RBBP8: variants seen among roughly 807,000 people sequenced by gnomAD.
RBBP8 encodes RB binding protein 8, endonuclease, also known as DNA endonuclease RBBP8.
RBBP8 carries 88 observed loss-of-function variants against 108.3 expected under a neutral mutation model. The observed-to-expected ratio is 0.81, with a 90% CI of 0.68 to 0.97. RBBP8 has a LOEUF of 0.97. Ranked by LOEUF, RBBP8 falls within the 50% of genes least tolerant of loss-of-function variation. The probability of loss-of-function intolerance (pLI) is 0.00; values close to 1 mark genes in which losing one functional copy is unlikely to be tolerated. For synonymous variants in RBBP8, 332 were observed against 348.2 expected (o/e 0.95, Z 0.52); for missense variants, 1,023 against 1,049.0 (o/e 0.98, Z 0.34).
At chr18:22,980,989 T>TTTTTTTTTC in intron 6 of RBBP8, among the ~76,000 whole-genome samples, 1 of 128,430 alleles carries the variant, frequency 7.8e-6, no homozygotes, top group Non-Finnish European at 1.6e-5. Flanking sequence ...TTTTTTTTTT[T>TTTTTTTTTC]TGAGACGGAG....
rs1911279396 is a variant in RBBP8, at chr18:22,943,524, CA to C, written c.110-2915del. Among the ~76,000 whole-genome samples, 3 of 152,066 alleles carry C rather than the reference CA, an allele frequency of 2.0e-5. No individual in the cohort carries two copies. The South Asian group carries it at 6.2e-4, about 32-fold the overall frequency. ...TCACATCTGTAAATAATAAAATCCA[CA>C]AAAATTAATTTACCCATTTTGAGAT... On this transcript the variant is annotated intron_variant, in intron 2 of 18. Transcript: ENST00000327155.
Position 22,946,446 on chromosome 18 carries a change from T to C in RBBP8, c.112T>C (p.Leu38=). The change falls in exon 3 of 19, where the codon TTA becomes CTA. Residue 38 remains leucine, a splice_region_variant and synonymous_variant. Coordinates refer to ENST00000327155, the MANE Select transcript of RBBP8 (RefSeq NM_002894.3). Reference sequence around the variant, plus strand: ...TACCTTTTCTTTTTACTTTTCAGGTTTACAAGTAAAAGTAACCAAGCTAAA... The same window carrying C: ...TACCTTTTCTTTTTACTTTTCAGGTCTACAAGTAAAAGTAACCAAGCTAAA... ...KECHDREVQG[L]QVKVTKLKQE... 6.2e-7 allele frequency: 1 copy of C among 1,612,800 alleles called. No individual in the cohort carries two copies. The highest frequency in any genetic ancestry group is 1.1e-5 in the South Asian group (1 of 91,048).
chr18:22,922,896 C>G (rs1909651778), intron 3 of RBBP8, among the ~76,000 whole-genome samples: 2 of 152,032 alleles, frequency 1.3e-5, no homozygotes, highest in South Asian at 4.1e-4. Flanking sequence ...ATAACAACAA[C>G]CATATAATAA....
intron 1 of RBBP8, among the ~76,000 whole-genome samples, chr18:22,935,407 G>A (rs1400260580): frequency 4.1e-5 from 6 of 146,942 alleles, no homozygotes; most frequent in Non-Finnish European, 8.9e-5. Context: ...AAACAAAACC[G>A]CATCATTATC....
chr18:22,942,299 G>T (rs1911156769), intron 2 of RBBP8, among the ~76,000 whole-genome samples: 1 of 152,126 alleles, frequency 6.6e-6, no homozygotes, highest in Non-Finnish European at 1.5e-5. Context: ...ATAGGAACTT[G>T]CTTGAATCTG....
intron 3 of RBBP8, among the ~76,000 whole-genome samples, chr18:22,922,971 A>G (rs1909656162): frequency 6.6e-6 from 1 of 152,210 alleles, no homozygotes; most frequent in Non-Finnish European, 1.5e-5. Context: ...GCATTTAACA[A>G]TATAGTGTAA....
chr18:23,010,989 G>A (rs1200315713), intron 16 of RBBP8, among the ~76,000 whole-genome samples: 1 of 152,290 alleles, frequency 6.6e-6, no homozygotes, highest in East Asian at 1.9e-4. Context: ...ATAATCTTAG[G>A]AGTCCATAAA....
chr18:22,929,465 GGTGTGTGT>G (rs1165994615), upstream of RBBP8: 3 of 110,712 alleles, frequency 2.7e-5, no homozygotes, highest in African/African-American at 8.5e-5. Context: ...TGTTTGGGCA[GGTGTGTGT>G]GTGTGTGTGT....
intron 6 of RBBP8, among the ~76,000 whole-genome samples, chr18:22,980,049 C>T (rs922866384): frequency 1.3e-5 from 2 of 152,066 alleles, no homozygotes; most frequent in African/African-American, 4.8e-5. Context: ...AGTTTGGGAC[C>T]AGCCTGGCCA....
intron 7 of RBBP8, among the ~76,000 whole-genome samples, chr18:22,984,291 A>G (rs182691445): frequency 3.7e-4 from 56 of 152,260 alleles, no homozygotes; most frequent in Admixed American, 8.5e-4. Context: ...CTGATAAAGC[A>G]TGCTTCAGAG....
At chr18:22,979,755 G>T (rs954779111) in intron 6 of RBBP8, among the ~76,000 whole-genome samples, 4 of 150,974 alleles carry the variant, frequency 2.6e-5, no homozygotes, top group African/African-American at 9.8e-5. Context: ...ATCCTGAATT[G>T]AGTTGGGCAA....
intron 2 of RBBP8, among the ~76,000 whole-genome samples, chr18:22,945,274 A>G (rs185083662): frequency 1.4e-3 from 209 of 152,328 alleles, no homozygotes; most frequent in Non-Finnish European, 1.5e-3. Context: ...AATGGGGAGC[A>G]TAGAGAAAAT....
chr18:23,026,337 G>C lies in RBBP8; in HGVS notation c.*97G>C, dbSNP rs777642288. The C allele has an allele frequency of 2.4e-5, 25 of 1,036,832 alleles. No individual in the cohort carries two copies. The highest frequency in any genetic ancestry group is 1.7e-4 in the Admixed American group (8 of 48,106). 64.2% of individuals were successfully genotyped at this position (1,036,832 alleles called of 1,614,324 possible). A position where few individuals can be genotyped will look rare whatever the true frequency, so the allele number is the denominator to read the frequency against. On this transcript the variant is annotated 3_prime_UTR_variant, in exon 19 of 19. Coordinates refer to ENST00000327155, the MANE Select transcript of RBBP8 (RefSeq NM_002894.3). ...TAAACATTGATTTTTTTGATCTTCT[G>C]TAAATGGATTTATAAATCAGTTTTC...
In RBBP8 at chr18:23,026,355, C is replaced by A; in HGVS notation, c.*115C>A. 1 of 937,480 alleles carries A rather than the reference C, an allele frequency of 1.1e-6. No homozygotes were observed. Among genetic ancestry groups the A allele is most frequent in the Non-Finnish European group, 1.7e-6 (1 of 601,374 alleles). The allele number at this position is 937,480 out of a possible 1,614,324, so 58.1% of individuals were successfully genotyped here. ...ATCTTCTGTAAATGGATTTATAAATCAGTTTTCTATTGAAAATGTTTGTGA... is the reference window on the plus strand; with the variant it reads ...ATCTTCTGTAAATGGATTTATAAATAAGTTTTCTATTGAAAATGTTTGTGA... On this transcript the variant is annotated 3_prime_UTR_variant, in exon 19 of 19. Transcript: ENST00000327155.
At chr18:22,963,724 G>A (rs1913315981) in intron 4 of RBBP8, among the ~76,000 whole-genome samples, 1 of 152,112 alleles carries the variant, frequency 6.6e-6, no homozygotes, top group South Asian at 2.1e-4. Flanking sequence ...GAGACGGAGT[G>A]TATGAGACCT....
intron 4 of RBBP8, among the ~76,000 whole-genome samples, chr18:22,956,455 C>A (rs188469403): frequency 2.0e-5 from 3 of 152,082 alleles, no homozygotes; most frequent in East Asian, 1.9e-4. Flanking sequence ...TCACATCAGC[C>A]CCCCCAGGTA....
chr18:22,937,151 G>A lies in RBBP8; in HGVS notation c.109+191G>A, dbSNP rs1322177660. 7 of 1,222,560 alleles carry A rather than the reference G, an allele frequency of 5.7e-6. No individual in the cohort carries two copies. The South Asian group carries it at 1.0e-4, about 18-fold the overall frequency. The allele number at this position is 1,222,560 out of a possible 1,614,324, so 75.7% of individuals were successfully genotyped here. ...GTGTGCAAATGATTTCATCACCCAG[G>A]TAGTGAGCATGGTACCCCATAGGTA... On this transcript the variant is annotated intron_variant, in intron 2 of 18. Coordinates refer to ENST00000327155, the MANE Select transcript of RBBP8 (RefSeq NM_002894.3).
intron 4 of RBBP8, 106 bp from the exon 5 acceptor site, chr18:22,968,700 T>C: frequency 2.4e-6 from 2 of 842,442 alleles, no homozygotes; most frequent in South Asian, 1.5e-5. Context: ...TAGTTGATTT[T>C]CACAGTATTT....
intron 17 of RBBP8, 152 bp downstream of exon 17, chr18:23,017,076 C>T (rs1390102276): frequency 4.3e-6 from 3 of 696,152 alleles, no homozygotes; most frequent in Non-Finnish European, 2.5e-6. Flanking sequence ...TATTCTGGGT[C>T]GGGTGCGGTG....
Sources: allele counts gnomAD v4.1 joint callset (sites outside exome capture counted in the v4.1 genomes callset), GRCh38; gene constraint gnomAD v4.1.1; transcripts MANE v1.5; gene names NCBI Gene and HGNC (gene_info 2026-07-23, HGNC 2026-07-21).